FAM20B: variants seen among roughly 807,000 people sequenced by gnomAD.
FAM20B encodes the protein glycosaminoglycan xylosylkinase.
In FAM20B, 23 loss-of-function variants were observed where a neutral mutation model predicts 43.8. The ratio of observed to expected loss-of-function variants is 0.53; its 90% CI spans 0.38 to 0.74. The LOEUF (loss-of-function observed/expected upper bound fraction) is 0.74. Among genes scored for constraint, FAM20B ranks in the 30% least tolerant of loss-of-function variants. The pLI is 0.00. For missense variants in FAM20B, 440 were observed against 510.5 expected (o/e 0.86, Z 1.33); for synonymous variants, 178 against 192.4 (o/e 0.93, Z 0.62).
intron 4 of FAM20B, among the ~76,000 whole-genome samples, chr1:179,060,705 T>C (rs1651426215): frequency 6.6e-6 from 1 of 151,990 alleles, no homozygotes; most frequent in African/African-American, 2.4e-5. Flanking sequence ...GGACCACCCA[T>C]ATATATTATT....
intron 4 of FAM20B, among the ~76,000 whole-genome samples, chr1:179,057,432 C>G (rs7549040): frequency 9.9e-5 from 15 of 152,124 alleles, no homozygotes; most frequent in African/African-American, 3.4e-4. Context: ...GTAAGTTGGC[C>G]TATAATACAA....
At position 179,075,341 on chromosome 1, in the gene FAM20B, G is replaced by A. The variant is rs986849081; in HGVS notation, c.*3197G>A. On this transcript the variant is annotated 3_prime_UTR_variant, in exon 8 of 8. Transcript: ENST00000263733. ...GCCTACCAAACATCCAAAGGTAGAC[G>A]TGGAGACATTTTAATACTACAAAAC... 6.6e-6 allele frequency: 1 copy of A among 152,150 alleles called. No individual in the cohort carries two copies. Among genetic ancestry groups the A allele is most frequent in the Non-Finnish European group, 1.5e-5 (1 of 68,036 alleles). The allele number at this position is 152,150 out of a possible 1,614,324, so 9.4% of individuals were successfully genotyped here.
chr1:179,050,493 A>G (rs1007057364), intron 3 of FAM20B, 128 bp downstream of exon 3: 3 of 643,114 alleles, frequency 4.7e-6, no homozygotes, highest in Admixed American at 5.3e-5. Flanking sequence ...TTAGATAGCT[A>G]ATTGACTAGT....
intron 7 of FAM20B, among the ~76,000 whole-genome samples, chr1:179,070,731 G>A (rs1651888083): frequency 6.6e-6 from 1 of 151,388 alleles, no homozygotes; most frequent in African/African-American, 2.4e-5. Context: ...TACCATGTTG[G>A]CCAGCCTGGT....
At chr1:179,053,329 G>C (rs1350518421) in intron 3 of FAM20B, among the ~76,000 whole-genome samples, 1 of 152,124 alleles carries the variant, frequency 6.6e-6, no homozygotes, top group Non-Finnish European at 1.5e-5. Flanking sequence ...CTAGGTACCA[G>C]GGAGGCTGAG....
At chr1:179,052,197 CTT>C (rs1374094332) in intron 3 of FAM20B, among the ~76,000 whole-genome samples, 1 of 151,916 alleles carries the variant, frequency 6.6e-6, no homozygotes, top group Non-Finnish European at 1.5e-5. Flanking sequence ...TATTAATGGT[CTT>C]AATATGTGTT....
intron 4 of FAM20B, 76 bp from the exon 5 acceptor site, chr1:179,063,851 G>A: frequency 1.9e-6 from 2 of 1,046,138 alleles, no homozygotes; most frequent in Non-Finnish European, 1.4e-6. Flanking sequence ...TAGCTACTCT[G>A]TTCTGCATTA....
intron 4 of FAM20B, among the ~76,000 whole-genome samples, chr1:179,063,619 C>T (rs1651566397): frequency 1.3e-5 from 2 of 152,072 alleles, no homozygotes; most frequent in African/African-American, 4.8e-5. Context: ...ACAAAACAAA[C>T]AAAAAGTGAA....
In FAM20B at chr1:179,064,071, G is replaced by A. The variant is rs761012334; in HGVS notation, c.719G>A (p.Arg240Lys). The change falls in exon 5 of 8, where the codon AGG becomes AAG. Residue 240 changes from arginine to lysine, a missense_variant. Arg to Lys is a conservative substitution (Grantham distance 26). Coordinates refer to ENST00000263733, the MANE Select transcript of FAM20B (RefSeq NM_014864.4). ...CAGAAGCACCGTCACCCATGGGGCA[G>A]GACTTACCGAGAAGGCAAATTGGCC... ...PLQKHRHPWG[R>K]TYREGKLARW... 4 of 1,611,442 alleles carry A rather than the reference G, an allele frequency of 2.5e-6. No homozygotes were observed. Among genetic ancestry groups the A allele is most frequent in the Non-Finnish European group, 2.5e-6 (3 of 1,179,284 alleles).
chr1:179,071,793 A>G (rs1040012111), intron 7 of FAM20B, 120 bp from the exon 8 acceptor site: 1 of 713,586 alleles, frequency 1.4e-6, no homozygotes, highest in Non-Finnish European at 2.5e-6. Flanking sequence ...CTAAAGCAAA[A>G]ATTATTTAGT....
intron 4 of FAM20B, 105 bp from the exon 5 acceptor site, chr1:179,063,822 T>G: frequency 1.3e-6 from 1 of 752,420 alleles, no homozygotes; most frequent in South Asian, 2.2e-5. Context: ...GGTCTTTGTT[T>G]TCACCATGCT....
intron 6 of FAM20B, among the ~76,000 whole-genome samples, chr1:179,066,256 G>T (rs1430946695): frequency 6.6e-6 from 1 of 152,160 alleles, no homozygotes; most frequent in Admixed American, 6.5e-5. Context: ...TGCTGCTAAG[G>T]TAATTTTTGC....
At chr1:179,044,563 C>T (rs796679863) in intron 2 of FAM20B, among the ~76,000 whole-genome samples, 19 of 152,338 alleles carry the variant, frequency 1.2e-4, no homozygotes, top group African/African-American at 4.3e-4. Flanking sequence ...TAAGCCCTTT[C>T]AGATTGGCTT....
chr1:179,047,576 A>G (rs1466257760), intron 2 of FAM20B, among the ~76,000 whole-genome samples: 1 of 152,140 alleles, frequency 6.6e-6, no homozygotes, highest in Non-Finnish European at 1.5e-5. Context: ...CCAACTCAGC[A>G]AGGTTTTTTT....
chr1:179,040,274 G>A (rs186505342), intron 1 of FAM20B, among the ~76,000 whole-genome samples: 27 of 152,076 alleles, frequency 1.8e-4, no homozygotes, highest in Admixed American at 5.2e-4. Flanking sequence ...GGTGGTGGCC[G>A]GGCAGAGGGG....
At chr1:179,024,012 C>T (rs901132387), upstream of FAM20B, among the ~76,000 whole-genome samples, 1 of 152,138 alleles carries the variant, frequency 6.6e-6, no homozygotes, top group African/African-American at 2.4e-5. Flanking sequence ...TATGCATACA[C>T]TCAACAAGGG....
chr1:179,064,006 G>C lies in FAM20B; in HGVS notation c.654G>C (p.Glu218Asp). The change falls in exon 5 of 8, where the codon GAG (glutamate) becomes GAC (aspartate). Residue 218 changes from glutamate to aspartate, a missense_variant. Physicochemically the swap from Glu to Asp is conservative, Grantham distance 45. Transcript: ENST00000263733. ...CTTGTGCTGATGGAGACATAATGGAGGGATCTGTCACACTTTGGCTTCCAG... is the reference window on the plus strand; with the variant it reads ...CTTGTGCTGATGGAGACATAATGGACGGATCTGTCACACTTTGGCTTCCAG... ...EPACADGDIM[E>D]GSVTLWLPDV... is the part of the protein sequence containing the mutation. The C allele has an allele frequency of 5.6e-6, 9 of 1,613,718 alleles. No individual in the cohort carries two copies. The highest frequency in any genetic ancestry group is 7.6e-6 in the Non-Finnish European group (9 of 1,179,594).
intron 2 of FAM20B, among the ~76,000 whole-genome samples, chr1:179,045,820 A>G (rs950252891): frequency 6.6e-6 from 1 of 151,550 alleles, no homozygotes; most frequent in African/African-American, 2.4e-5. Flanking sequence ...CTTGAGTGCG[A>G]GAGTTTGAGG....
At chr1:179,063,777 C>T (rs1446854194) in intron 4 of FAM20B, 150 bp from the exon 5 acceptor site, 2 of 572,922 alleles carry the variant, frequency 3.5e-6, no homozygotes, top group African/African-American at 3.8e-5. Flanking sequence ...ATTACCTATA[C>T]AGGAAAATAA....
Sources: gnomAD v4.1 joint callset for allele counts (sites outside exome capture counted in the v4.1 genomes callset) on GRCh38, gnomAD v4.1.1 for gene constraint, MANE v1.5 for transcripts, NCBI Gene and HGNC (gene_info 2026-07-23, HGNC 2026-07-21) for gene names.